The following PIAS3 variants were observed in gnomAD, a reference collection of about 807,000 sequenced individuals.
PIAS3 encodes the protein E3 SUMO-protein ligase PIAS3.
A neutral mutation model predicts 67.6 loss-of-function variants in PIAS3; 34 were observed. The observed-to-expected ratio is 0.50, with a 90% CI of 0.38 to 0.67. The LOEUF (loss-of-function observed/expected upper bound fraction) is 0.67, where lower values mean the gene tolerates loss of function less well. PIAS3 is among the 30% of genes least tolerant of loss of function. The pLI is 0.00. For missense variants in PIAS3, 693 were observed against 791.6 expected, an observed-to-expected ratio of 0.88 and a Z score of 1.49; for synonymous variants, 341 against 313.8, an observed-to-expected ratio of 1.09 and a Z score of -0.92.
At chr1:145,857,228 C>G (rs371026038) in intron 1 of PIAS3, 3 of 571,364 alleles carry the variant, frequency 5.3e-6, no homozygotes, top group Non-Finnish European at 9.4e-6. Flanking sequence ...CCACCACCCC[C>G]GAGCTTGAGC....
chr1:145,857,414 C>G, intron 1 of PIAS3: 1 of 196,834 alleles, frequency 5.1e-6, no homozygotes, highest in Non-Finnish European at 1.1e-5. Context: ...CCATCCCAGC[C>G]TCCTGGGAAC....
intron 1 of PIAS3, among the ~76,000 whole-genome samples, chr1:145,858,349 C>T (rs1433473485): frequency 1.3e-5 from 2 of 152,094 alleles, no homozygotes; most frequent in Admixed American, 6.5e-5. Context: ...TTTCACATGC[C>T]TCTGCCTCTT....
Position 145,856,381 on chromosome 1 carries a change from T to A in PIAS3, c.493A>T (p.Thr165Ser). ...AGAATCTGCTGCACTTGCTGGGGTG[T>A]GAGGGCAAAGGTAAAGTGCGCTTCC... ...FEEAHFTFAL[T>S]PQQVQQILTS... Residue 165 changes from threonine (T) to serine (S), a missense_variant, in exon 3 of 14, where the codon ACA (threonine) becomes TCA (serine). By Grantham distance (58) the Thr-to-Ser change is moderately conservative. Coordinates refer to ENST00000393045, the MANE Select transcript of PIAS3 (RefSeq NM_006099.3). The A allele has an allele frequency of 6.2e-7, 1 of 1,614,024 alleles. No individual in the cohort carries two copies. The highest frequency in any genetic ancestry group is 8.5e-7 in the Non-Finnish European group (1 of 1,179,964).
chr1:145,851,956 T>C (rs1553734496), intron 9 of PIAS3, among the ~76,000 whole-genome samples: 3 of 132,100 alleles, frequency 2.3e-5, no homozygotes, highest in Non-Finnish European at 4.7e-5. Flanking sequence ...TGAAACACCG[T>C]CTCAAAAAAA....
At chr1:145,854,376 T>C in intron 7 of PIAS3, 82 bp downstream of exon 7, 2 of 937,358 alleles carry the variant, frequency 2.1e-6, no homozygotes, top group South Asian at 1.4e-5. Flanking sequence ...AAAAAAGAGG[T>C]ATGGGTTTAA....
chr1:145,850,768 T>A lies in PIAS3; in HGVS notation c.1448+3A>T. ...GCTGTAGACTCAGCCTATTTTCTCATACCCTTTGCTTCCAGGTAGGGCCGG... is the reference window on the plus strand; with the variant it reads ...GCTGTAGACTCAGCCTATTTTCTCAAACCCTTTGCTTCCAGGTAGGGCCGG... On this transcript the variant is annotated splice_donor_region_variant and intron_variant, in intron 11 of 13. Transcript: ENST00000393045. 1 of 1,614,076 alleles carries A rather than the reference T, an allele frequency of 6.2e-7. No homozygotes were observed. Among genetic ancestry groups the A allele is most frequent in the Non-Finnish European group, 8.5e-7 (1 of 1,179,956 alleles).
chr1:145,854,940 G>C (rs1653104067), intron 5 of PIAS3, 60 bp from the exon 6 acceptor site: 2 of 1,585,050 alleles, frequency 1.3e-6, no homozygotes, highest in East Asian at 2.2e-5. Flanking sequence ...TCTGCTCTTT[G>C]AACAAAAGAT....
chr1:145,857,173 G>T, intron 1 of PIAS3, 167 bp from the exon 2 acceptor site: 1 of 635,706 alleles, frequency 1.6e-6, no homozygotes, highest in Non-Finnish European at 2.8e-6. Flanking sequence ...CTATCCAAAG[G>T]GACATCTCAG....
At position 145,851,062 on chromosome 1, in the gene PIAS3, C is replaced by T. The variant is rs148540314; in HGVS notation, c.1237G>A (p.Glu413Lys). The change falls in exon 10 of 14, where the codon GAG becomes AAG. Residue 413 changes from glutamate to lysine, a missense_variant. This residue lies in a region of PIAS3 where 115 missense variants were observed against 181.8 expected (regional missense o/e 0.63). Transcript: ENST00000393045. ...GGCGGGGGGCAAACCTCAGATGCCT[C>T]CTTCTTGGGTTTCATTGGGCACCAG... ...GSWCPMKPKK[E>K]ASEVCPPPGY... 3.1e-6 allele frequency: 5 copies of T among 1,614,066 alleles called. No homozygotes were observed. In the African/African-American group the frequency reaches 5.3e-5, roughly 17 times the overall value.
At position 145,850,217 on chromosome 1, in the gene PIAS3, G is replaced by A. The variant is rs1312183736; in HGVS notation, c.1620+15C>T. On this transcript the variant is annotated intron_variant, in intron 13 of 13. Coordinates refer to ENST00000393045, the MANE Select transcript of PIAS3 (RefSeq NM_006099.3). ...CTTCAGAGATCTGAGACCTTCTGAAGAAAGAACCACTTACCTGACTCTCTG... is the reference window on the plus strand; with the variant it reads ...CTTCAGAGATCTGAGACCTTCTGAAAAAAGAACCACTTACCTGACTCTCTG... The A allele has an allele frequency of 2.5e-6, 4 of 1,613,034 alleles. No homozygotes were observed. Among genetic ancestry groups the A allele is most frequent in the Non-Finnish European group, 3.4e-6 (4 of 1,179,710 alleles).
chr1:145,856,500 G>A, intron 2 of PIAS3, 69 bp from the exon 3 acceptor site: 2 of 1,598,550 alleles, frequency 1.3e-6, no homozygotes, highest in East Asian at 4.5e-5. Context: ...CCCCATCCCA[G>A]GTCACTGATC....
In PIAS3 at chr1:145,850,889, T is replaced by C. The variant is rs782051997; in HGVS notation, c.1330A>G (p.Lys444Glu). Residue 444 changes from lysine (K) to glutamate (E), a missense_variant, in exon 11 of 14, where the codon AAG becomes GAG. Coordinates refer to ENST00000393045, the MANE Select transcript of PIAS3 (RefSeq NM_006099.3). ...ATTGTCAAGTCAATAACTTCGACCT[T>C]CTTCTTATTCTCTGATGGATCTCCC... Reference protein sequence around the residue: ...QGGDPSENKKKVEVIDLTIES... With the variant: ...QGGDPSENKKEVEVIDLTIES... The C allele has an allele frequency of 1.6e-5, 26 of 1,614,206 alleles. No homozygotes were observed. The highest frequency in any genetic ancestry group is 2.0e-5 in the Non-Finnish European group (24 of 1,180,036).
intron 9 of PIAS3, chr1:145,851,486 T>C (rs1220370021): frequency 1.2e-5 from 3 of 254,380 alleles, no homozygotes; most frequent in Non-Finnish European, 2.3e-5. Flanking sequence ...TGAAACCTCA[T>C]CTCTACTAAA....
intron 4 of PIAS3, 103 bp downstream of exon 4, chr1:145,855,955 GGGCTGCAGTA>G (rs2101684706): frequency 9.4e-7 from 1 of 1,069,148 alleles, no homozygotes; most frequent in South Asian, 1.2e-5. Context: ...AAGAGTCGCA[GGGCTGCAGTA>G]GGCAGTGGCA....
At chr1:145,849,754 C>T (rs1212771573) in intron 13 of PIAS3, 42 bp from the exon 14 acceptor site, 15 of 1,521,182 alleles carry the variant, frequency 9.9e-6, no homozygotes, top group Non-Finnish European at 1.3e-5. Context: ...TCAATCCCGA[C>T]TTCCCCACCT....
Position 145,848,620 on chromosome 1 carries a change from AAAG to A in PIAS3, c.*823_*825del, listed in dbSNP as rs1197243608. 6 of 661,372 alleles carry A rather than the reference AAAG, an allele frequency of 9.1e-6. No individual in the cohort carries two copies. The highest frequency in any genetic ancestry group is 2.9e-5 in the Admixed American group (1 of 34,018). 41.0% of individuals were successfully genotyped at this position (661,372 alleles called of 1,614,324 possible). ...GGTCCTAGGCCTTGGCGAGCCTGAA[AAAG>A]AAGATTGGGAAGGAGGGCACAGGGT... On this transcript the variant is annotated 3_prime_UTR_variant, in exon 14 of 14. Transcript: ENST00000393045.
intron 7 of PIAS3, 98 bp downstream of exon 7, chr1:145,854,360 G>T: frequency 1.2e-6 from 1 of 809,652 alleles, no homozygotes; most frequent in Non-Finnish European, 2.1e-6. Flanking sequence ...AGGGGAGTAA[G>T]TTGTCAAAAA....
chr1:145,853,712 C>G, intron 8 of PIAS3, 48 bp from the exon 9 acceptor site: 1 of 1,610,096 alleles, frequency 6.2e-7, no homozygotes, highest in Non-Finnish European at 8.5e-7. Flanking sequence ...CTGATTTCAT[C>G]CCAGAAAACT....
Position 145,859,072 on chromosome 1 carries a change from C to T in PIAS3, c.-82G>A. The T allele has an allele frequency of 1.4e-6, 2 of 1,401,044 alleles. No individual in the cohort carries two copies. Among genetic ancestry groups the T allele is most frequent in the Non-Finnish European group, 1.9e-6 (2 of 1,036,982 alleles). 86.8% of individuals were successfully genotyped at this position (1,401,044 alleles called of 1,614,324 possible). A position where few individuals can be genotyped will look rare whatever the true frequency, so the allele number is the denominator to read the frequency against. Reference sequence around the variant, plus strand: ...CACAACTCTCCACCCTGGCGCCGGCCGCAAATGCCGCCTGCTCCGCCCAGT... The same window carrying T: ...CACAACTCTCCACCCTGGCGCCGGCTGCAAATGCCGCCTGCTCCGCCCAGT... On this transcript the variant is annotated 5_prime_UTR_variant, in exon 1 of 14. Transcript: ENST00000393045.
Sources: allele counts gnomAD v4.1 joint callset (sites outside exome capture counted in the v4.1 genomes callset), GRCh38; gene constraint gnomAD v4.1.1; regional missense constraint gnomAD v4.1.1; transcripts MANE v1.5; gene names NCBI Gene and HGNC (gene_info 2026-07-23, HGNC 2026-07-21).